Variants in DCHS2 observed in about 807,000 individuals in gnomAD.
DCHS2 encodes the protein dachsous cadherin-related 2.
A neutral mutation model predicts 182.4 loss-of-function variants in DCHS2; 142 were observed. The ratio of observed to expected loss-of-function variants is 0.78; its 90% CI spans 0.68 to 0.89. DCHS2 has a LOEUF of 0.89. Among genes scored for constraint, DCHS2 ranks in the 40% least tolerant of loss-of-function variants. The pLI, the probability that DCHS2 is intolerant of heterozygous loss-of-function variation, is 0.00. For synonymous variants in DCHS2, 1,740 were observed against 1,663.3 expected (o/e 1.05, Z -1.12); for missense variants, 4,319 against 4,198.6 (o/e 1.03, Z -0.79).
chr4:154,481,642 A>G (rs1735925791), intron 1 of DCHS2, among the ~76,000 whole-genome samples: 1 of 152,118 alleles, frequency 6.6e-6, no homozygotes, highest in African/African-American at 2.4e-5. Flanking sequence ...CTTTCCTGGG[A>G]GTTTACCATG....
intron 13 of DCHS2, among the ~76,000 whole-genome samples, chr4:154,293,597 G>A (rs1734772808): frequency 1.3e-5 from 2 of 152,210 alleles, no homozygotes; most frequent in African/African-American, 4.8e-5. Context: ...CACGTGAGAA[G>A]CACATTCCTC....
chr4:154,258,925 A>T (rs17031315), intron 15 of DCHS2, among the ~76,000 whole-genome samples: 4,319 of 152,210 alleles, frequency 0.028, 204 homozygotes, highest in African/African-American at 0.094. Context: ...GAGGTTAGAG[A>T]TCTCCTAATG....
In DCHS2 at chr4:154,343,518, C is replaced by G. The variant is rs1203877031; in HGVS notation, c.2477-8414G>C. ...TGCTACATACCTTGCTGCAGCTTCT[C>G]CATCAGCACTTGCTGCTTCATCTTG... On this transcript the variant is annotated intron_variant, in intron 3 of 19. Transcript: ENST00000357232. The G allele has an allele frequency of 3.3e-6, 5 of 1,504,188 alleles. No homozygotes were observed. In the African/African-American group the frequency reaches 6.9e-5, roughly 21 times the overall value. The allele number at this position is 1,504,188 out of a possible 1,614,324, so 93.2% of individuals were successfully genotyped here.
intron 1 of DCHS2, among the ~76,000 whole-genome samples, chr4:154,446,637 C>A (rs1194459271): frequency 6.6e-6 from 1 of 152,086 alleles, no homozygotes; most frequent in African/African-American, 2.4e-5. Context: ...GAGCTGGAAC[C>A]TGAGTGCAGG....
intron 1 of DCHS2, among the ~76,000 whole-genome samples, chr4:154,403,066 A>G (rs771403340): frequency 1.3e-5 from 2 of 152,198 alleles, no homozygotes; most frequent in Non-Finnish European, 2.9e-5. Flanking sequence ...GTAAATTATT[A>G]TAGATTACTT....
At chr4:154,398,937 A>T (rs903586685) in intron 1 of DCHS2, among the ~76,000 whole-genome samples, 14 of 152,332 alleles carry the variant, frequency 9.2e-5, no homozygotes, top group African/African-American at 3.4e-4. Flanking sequence ...GACATGCTCA[A>T]ATTAGGCAGG....
chr4:154,266,331 T>G (rs77248475), intron 14 of DCHS2, among the ~76,000 whole-genome samples: 73,238 of 149,424 alleles, frequency 0.49, 19,046 homozygotes, highest in Non-Finnish European at 0.58. Context: ...GGGTTTTTTT[T>G]TTGTTGTTTG....
chr4:154,381,620 T>C (rs781717084), intron 1 of DCHS2, among the ~76,000 whole-genome samples: 5 of 152,002 alleles, frequency 3.3e-5, no homozygotes, highest in Non-Finnish European at 7.4e-5. Context: ...CAAAAATCAG[T>C]AGCATTCCTA....
chr4:154,331,477 G>C, intron 5 of DCHS2: 1 of 1,291,352 alleles, frequency 7.7e-7, no homozygotes, highest in Non-Finnish European at 1.1e-6. Flanking sequence ...TGCCCTTGCA[G>C]CAGGAGTCTC....
rs201086762 is a variant in DCHS2, at chr4:154,335,000, C to T, written c.2581G>A (p.Asp861Asn). The T allele has an allele frequency of 3.2e-5, 52 of 1,614,130 alleles. No homozygotes were observed. The East Asian group carries it at 5.1e-4, about 16-fold the overall frequency. ...GGGLTAVINA[D>N]VTIHIFQTTL... ...GTCTGGAAAATGTGTATGGTGACAT[C>T]GGCATTAATGACAGCTGTGAGCCCA... Residue 861 changes from aspartate to asparagine, a missense_variant, in exon 4 of 20, where the codon GAT (aspartate) becomes AAT (asparagine). Asp to Asn is a conservative substitution (Grantham distance 23, BLOSUM62 1). Coordinates refer to ENST00000357232, the MANE Select transcript of DCHS2 (RefSeq NM_001358235.2).
chr4:154,322,750 C>T (rs1736114395), intron 7 of DCHS2: 1 of 360,400 alleles, frequency 2.8e-6, no homozygotes, highest in Non-Finnish European at 4.9e-6. Flanking sequence ...ATGATCAGCT[C>T]ATGGCCAATC....
At chr4:154,333,664 C>A in intron 4 of DCHS2, 170 bp from the exon 5 acceptor site, 1 of 697,880 alleles carries the variant, frequency 1.4e-6, no homozygotes, top group Non-Finnish European at 2.3e-6. Context: ...TTTTATTGTA[C>A]CTTTTCTGTG....
chr4:154,292,242 T>C (rs1734701800), intron 13 of DCHS2, among the ~76,000 whole-genome samples: 1 of 152,206 alleles, frequency 6.6e-6, no homozygotes, highest in Non-Finnish European at 1.5e-5. Context: ...AATAATCCTC[T>C]GATTCTTCAG....
At chr4:154,400,384 C>T (rs1732120525) in intron 1 of DCHS2, among the ~76,000 whole-genome samples, 1 of 149,554 alleles carries the variant, frequency 6.7e-6, no homozygotes, top group Non-Finnish European at 1.5e-5. Context: ...AATGTCTTTC[C>T]AGGGTCCTTC....
At chr4:154,251,906 TATATTC>T (rs1220580254) in intron 16 of DCHS2, among the ~76,000 whole-genome samples, 1 of 152,084 alleles carries the variant, frequency 6.6e-6, no homozygotes, top group Non-Finnish European at 1.5e-5. Flanking sequence ...TAGCTTTTTG[TATATTC>T]ATAAACATCA....
intron 13 of DCHS2, among the ~76,000 whole-genome samples, chr4:154,271,998 T>C (rs915845283): frequency 3.3e-5 from 5 of 152,184 alleles, no homozygotes; most frequent in African/African-American, 1.2e-4. Flanking sequence ...CTACATTAGT[T>C]CTGCCTCTTA....
chr4:154,250,037 TAAAC>T (rs1316718937), intron 16 of DCHS2, among the ~76,000 whole-genome samples: 3 of 151,976 alleles, frequency 2.0e-5, no homozygotes, highest in Admixed American at 6.6e-5. Context: ...TAAATAAAAA[TAAAC>T]TATATGAGAG....
At position 154,406,309 on chromosome 4, in the gene DCHS2, G is replaced by T. The variant is rs150205430; in HGVS notation, c.2053-28865C>A. ...GTCCCAATCACTGCCTCTCAGTTCA[G>T]CAAGAACACTGCTCCTCAAACTATG... is the stretch of plus-strand genomic sequence containing the variant. On this transcript the variant is annotated intron_variant, in intron 1 of 19. Coordinates refer to ENST00000357232, the MANE Select transcript of DCHS2 (RefSeq NM_001358235.2). 2.2e-3 allele frequency among the ~76,000 whole-genome samples: 336 copies of T among 152,320 alleles called. 2 individuals carry two copies. Among genetic ancestry groups the T allele is most frequent in the African/African-American group, 7.5e-3 (313 of 41,564 alleles).
At chr4:154,301,567 G>A (rs565864076) in intron 12 of DCHS2, among the ~76,000 whole-genome samples, 7 of 151,938 alleles carry the variant, frequency 4.6e-5, no homozygotes, top group Non-Finnish European at 1.0e-4. Context: ...GTGCAATGGC[G>A]CAATCTCAGC....
Sources: allele counts gnomAD v4.1 joint callset (sites outside exome capture counted in the v4.1 genomes callset), GRCh38; gene constraint gnomAD v4.1.1; transcripts MANE v1.5; gene names NCBI Gene and HGNC (gene_info 2026-07-23, HGNC 2026-07-21).